PDE1C: variants seen among roughly 807,000 people sequenced by gnomAD.
PDE1C encodes dual specificity calcium/calmodulin-dependent 3',5'-cyclic nucleotide phosphodiesterase 1C.
A neutral mutation model predicts 93.1 loss-of-function variants in PDE1C; 62 were observed. The observed-to-expected ratio is 0.67, with a 90% CI of 0.54 to 0.82. PDE1C has a LOEUF of 0.82. Among genes scored for constraint, PDE1C ranks in the 40% least tolerant of loss-of-function variants. PDE1C has a pLI of 0.00. For missense variants in PDE1C, 742 were observed against 884.6 expected (o/e 0.84, Z 2.04); for synonymous variants, 325 against 310.1 (o/e 1.05, Z -0.50).
At chr7:31,655,951 G>A in the PDE1C span, 20 of 985,358 alleles carry the variant, frequency 2.0e-5, no homozygotes, top group Non-Finnish European at 2.3e-5. Context: ...TCATCCCTCA[G>A]ATGAATCTCC....
At chr7:32,217,105 A>C (rs1324615413) in intron 1 of PDE1C, among the ~76,000 whole-genome samples, 4 of 152,230 alleles carry the variant, frequency 2.6e-5, no homozygotes, top group African/African-American at 9.6e-5. Context: ...GAGGAGCTTC[A>C]TTGCCACATT....
At chr7:32,081,130 T>C (rs1202291212) in intron 3 of PDE1C, among the ~76,000 whole-genome samples, 2 of 152,248 alleles carry the variant, frequency 1.3e-5, no homozygotes, top group Admixed American at 6.5e-5. Flanking sequence ...CGTAGAGCTA[T>C]GTGGCTTCCC....
chr7:32,324,725 G>C (rs1235124354), intron 1 of PDE1C, among the ~76,000 whole-genome samples: 1 of 152,208 alleles, frequency 6.6e-6, no homozygotes, highest in Non-Finnish European at 1.5e-5. Flanking sequence ...AAAGTGGAAG[G>C]ATCACTTGAG....
At chr7:32,426,381 C>T (rs906967397) in intron 1 of PDE1C, among the ~76,000 whole-genome samples, 2 of 151,616 alleles carry the variant, frequency 1.3e-5, no homozygotes, top group African/African-American at 2.4e-5. Context: ...TTAAGCTATC[C>T]TACTGCCTCA....
rs143616769 is a variant in PDE1C at position 32,063,847 on chromosome 7, T to G, written c.101+6446A>C. Among the ~76,000 whole-genome samples, 337 of 152,350 alleles carry G rather than the reference T, an allele frequency of 2.2e-3. 1 individual carries two copies. Among genetic ancestry groups the G allele is most frequent in the African/African-American group, 7.5e-3 (310 of 41,586 alleles). ...TAATTATTGCCCTCTTTTTTGTTGT[T>G]GATTTTTAACCTTTTCACATGTATA... On this transcript the variant is annotated intron_variant, in intron 1 of 17. Coordinates refer to ENST00000396191, the MANE Select transcript of PDE1C (RefSeq NM_001191057.4).
chr7:32,132,552 G>A (rs1299168076), intron 3 of PDE1C, among the ~76,000 whole-genome samples: 1 of 152,130 alleles, frequency 6.6e-6, no homozygotes, highest in Non-Finnish European at 1.5e-5. Flanking sequence ...TATAGTCCCA[G>A]CTACTCAGGA....
At chr7:32,134,199 G>A (rs1800079343) in intron 3 of PDE1C, among the ~76,000 whole-genome samples, 1 of 151,978 alleles carries the variant, frequency 6.6e-6, no homozygotes, top group South Asian at 2.1e-4. Context: ...TGGAGTCCCA[G>A]AAGAAGATTT....
At chr7:32,320,418 C>T (rs979063337) in intron 1 of PDE1C, among the ~76,000 whole-genome samples, 2 of 152,020 alleles carry the variant, frequency 1.3e-5, no homozygotes, top group Non-Finnish European at 2.9e-5. Context: ...GGGCTTCATA[C>T]CTGAATGATG....
chr7:31,860,203 C>T (rs1292553751), intron 7 of PDE1C, among the ~76,000 whole-genome samples: 1 of 152,134 alleles, frequency 6.6e-6, no homozygotes, highest in East Asian at 1.9e-4. Flanking sequence ...ACAATTGCCC[C>T]TCCAACCAGT....
At chr7:31,691,823 C>CAAAAAAAAAAAAAA in the PDE1C span, among the ~76,000 whole-genome samples, 1 of 77,848 alleles carries the variant, frequency 1.3e-5, no homozygotes, top group African/African-American at 4.0e-5. Flanking sequence ...AAAAAAAAAA[C>CAAAAAAAAAAAAAA]CAAGCAAAAA....
chr7:31,766,289 C>A (rs1583983146), intron 17 of PDE1C, among the ~76,000 whole-genome samples: 1 of 151,664 alleles, frequency 6.6e-6, no homozygotes, highest in East Asian at 1.9e-4. Context: ...GAAGCTGAGG[C>A]AGGAGAATGG....
intron 2 of PDE1C, among the ~76,000 whole-genome samples, chr7:32,190,260 A>G (rs1804146016): frequency 6.6e-6 from 1 of 152,256 alleles, no homozygotes; most frequent in Non-Finnish European, 1.5e-5. Context: ...CTTAGTCTAT[A>G]GGATGATGTT....
intron 3 of PDE1C, among the ~76,000 whole-genome samples, chr7:32,159,563 C>T (rs1459314783): frequency 6.6e-6 from 1 of 152,014 alleles, no homozygotes; most frequent in East Asian, 1.9e-4. Flanking sequence ...AGTGTAGAGT[C>T]CCATATCAGT....
intron 15 of PDE1C, among the ~76,000 whole-genome samples, chr7:31,812,419 G>T (rs115380961): frequency 0.035 from 5,347 of 152,124 alleles, 139 homozygotes; most frequent in African/African-American, 0.068. Context: ...TGCATTTATT[G>T]GTTTCTCCCA....
chr7:32,142,982 C>A (rs1349043772), intron 3 of PDE1C, among the ~76,000 whole-genome samples: 2 of 151,932 alleles, frequency 1.3e-5, no homozygotes, highest in Non-Finnish European at 2.9e-5. Context: ...AGAGAGGAGG[C>A]AGCATTTGTC....
intron 3 of PDE1C, among the ~76,000 whole-genome samples, chr7:32,126,218 T>TAGATAGAC (rs1799571786): frequency 2.0e-5 from 3 of 151,150 alleles, no homozygotes; most frequent in Admixed American, 6.6e-5. Context: ...GATAGATAGA[T>TAGATAGAC]AGATAGATAG....
At chr7:32,127,378 T>G (rs1584812917) in intron 3 of PDE1C, among the ~76,000 whole-genome samples, 2 of 152,036 alleles carry the variant, frequency 1.3e-5, no homozygotes. Context: ...GAAGACCAAT[T>G]TAAATGTTCT....
At chr7:32,313,243 G>T (rs1783093261) in intron 1 of PDE1C, among the ~76,000 whole-genome samples, 1 of 152,106 alleles carries the variant, frequency 6.6e-6, no homozygotes. Flanking sequence ...TCATTAAAAA[G>T]TCAGGAAACA....
intron 1 of PDE1C, among the ~76,000 whole-genome samples, chr7:32,273,309 T>C (rs1811080488): frequency 6.6e-6 from 1 of 152,206 alleles, no homozygotes; most frequent in Non-Finnish European, 1.5e-5. Flanking sequence ...TTGCAAAGCA[T>C]ATTAGAGAAA....
Sources: allele counts gnomAD v4.1 joint callset (sites outside exome capture counted in the v4.1 genomes callset), GRCh38; gene constraint gnomAD v4.1.1; transcripts MANE v1.5; gene names NCBI Gene and HGNC (gene_info 2026-07-23, HGNC 2026-07-21).